Variants in NFAT5 observed in about 807,000 individuals in gnomAD.
NFAT5 encodes nuclear factor of activated T cells 5, also known as nuclear factor of activated T-cells 5.
In NFAT5, 31 loss-of-function variants were observed where a neutral mutation model predicts 166.5. The ratio of observed to expected loss-of-function variants is 0.19; its 90% CI spans 0.14 to 0.25. The LOEUF (loss-of-function observed/expected upper bound fraction) is 0.25, where lower values mean the gene tolerates loss of function less well. Among genes scored for constraint, NFAT5 ranks in the 10% least tolerant of loss-of-function variants. The pLI, the probability that NFAT5 is intolerant of heterozygous loss-of-function variation, is 1.00. For synonymous variants in NFAT5, 612 were observed against 639.7 expected (o/e 0.96, Z 0.65); for missense variants, 1,449 against 1,821.8 (o/e 0.80, Z 3.72).
intron 2 of NFAT5, among the ~76,000 whole-genome samples, chr16:69,578,356 G>T (rs2031436581): frequency 6.6e-6 from 1 of 152,104 alleles, no homozygotes; most frequent in Non-Finnish European, 1.5e-5. Flanking sequence ...GCTTAACTAT[G>T]TATCATAAAT....
rs1409312187 is a variant in NFAT5 at position 69,693,083 on chromosome 16, G to A, written c.3258G>A (p.Gln1086=). The A allele has an allele frequency of 1.2e-6, 2 of 1,614,060 alleles. No homozygotes were observed. Among genetic ancestry groups the A allele is most frequent in the African/African-American group, 1.3e-5 (1 of 75,020 alleles). ...TTTTGCAGCAGTCTTCTCATTCACA[G>A]GCCCAACTTTTTCATCCTCAAAATC... ...GNFLQQSSHS[Q]AQLFHPQNPI... The change falls in exon 13 of 15, where the codon CAG becomes CAA. Residue 1086 remains glutamine, a synonymous_variant. Coordinates refer to ENST00000349945, the MANE Select transcript of NFAT5 (RefSeq NM_138713.4).
chr16:69,616,696 C>CTA (rs1425869872), intron 2 of NFAT5, among the ~76,000 whole-genome samples: 1 of 152,104 alleles, frequency 6.6e-6, no homozygotes, highest in Admixed American at 6.6e-5. Context: ...TGCTTAGGCT[C>CTA]TGACACCACA....
At position 69,695,384 on chromosome 16, in the gene NFAT5, G is replaced by A; in HGVS notation, c.*8+5G>A. On this transcript the variant is annotated splice_donor_5th_base_variant and intron_variant, in intron 14 of 14. Coordinates refer to ENST00000349945, the MANE Select transcript of NFAT5 (RefSeq NM_138713.4). ...TGGCTCCTTTTAACTGGATATGTAA[G>A]TATTGCATTTTGGCTTCTTATTGAA... The A allele has an allele frequency of 6.3e-7, 1 of 1,589,670 alleles. No individual in the cohort carries two copies. Among genetic ancestry groups the A allele is most frequent in the Non-Finnish European group, 8.6e-7 (1 of 1,158,572 alleles).
At chr16:69,639,277 A>G (rs1167277816) in intron 3 of NFAT5, among the ~76,000 whole-genome samples, 1 of 152,154 alleles carries the variant, frequency 6.6e-6, no homozygotes, top group Admixed American at 6.6e-5. Flanking sequence ...ATAGAAAAAA[A>G]TTTTGTTTGG....
intron 3 of NFAT5, among the ~76,000 whole-genome samples, chr16:69,626,987 A>C (rs534869368): frequency 3.9e-5 from 6 of 152,040 alleles, no homozygotes; most frequent in Admixed American, 3.3e-4. Flanking sequence ...TATTATATTT[A>C]AAAATATATG....
At chr16:69,581,777 T>C (rs1567516228) in intron 2 of NFAT5, among the ~76,000 whole-genome samples, 1 of 152,178 alleles carries the variant, frequency 6.6e-6, no homozygotes, top group Non-Finnish European at 1.5e-5. Flanking sequence ...TTGTGAACTT[T>C]TTATGATGAA....
In NFAT5 at chr16:69,641,016, A is replaced by G. The variant is rs142736220; in HGVS notation, c.254-6012A>G. Among the ~76,000 whole-genome samples the G allele has an allele frequency of 8.7e-3, 1,317 of 151,490 alleles. 19 individuals are homozygous for G. Among genetic ancestry groups the G allele is most frequent in the African/African-American group, 0.03 (1,261 of 41,350 alleles). ...AAAAAAAGGCCGGGCACGGTGGCTC[A>G]CACCTGTAATCCCAGCACTTTGAGA... On this transcript the variant is annotated intron_variant, in intron 3 of 14. Transcript: ENST00000349945.
At chr16:69,567,935 G>A (rs1356998151) in intron 1 of NFAT5, among the ~76,000 whole-genome samples, 3 of 152,160 alleles carry the variant, frequency 2.0e-5, no homozygotes, top group Non-Finnish European at 4.4e-5. Flanking sequence ...GAAAATCTAA[G>A]TTTAGCTTCG....
chr16:69,617,029 C>T (rs1401787603), intron 2 of NFAT5, among the ~76,000 whole-genome samples: 1 of 151,452 alleles, frequency 6.6e-6, no homozygotes, highest in African/African-American at 2.4e-5. Context: ...CTGCAAGCTC[C>T]GCCTCCCGGG....
intron 2 of NFAT5, among the ~76,000 whole-genome samples, chr16:69,604,371 G>A (rs750826350): frequency 1.2e-4 from 18 of 152,116 alleles, no homozygotes; most frequent in Non-Finnish European, 2.4e-4. Context: ...GAATTAGGTG[G>A]CATATTCCAC....
At position 69,584,697 on chromosome 16, in the gene NFAT5, A is replaced by T. The variant is rs558220419; in HGVS notation, c.127+16149A>T. On this transcript the variant is annotated intron_variant, in intron 2 of 14. Coordinates refer to ENST00000349945, the MANE Select transcript of NFAT5 (RefSeq NM_138713.4). ...CCAATTACTCAGGAGCCTCAGGCGGAGGATCCCCTGAGGCCAGGATGTCGA... is the reference window on the plus strand; with the variant it reads ...CCAATTACTCAGGAGCCTCAGGCGGTGGATCCCCTGAGGCCAGGATGTCGA... Among the ~76,000 whole-genome samples, 5 of 152,074 alleles carry T rather than the reference A, an allele frequency of 3.3e-5. No homozygotes were observed. In the East Asian group the frequency reaches 9.7e-4, roughly 30 times the overall value.
intron 3 of NFAT5, among the ~76,000 whole-genome samples, chr16:69,632,813 T>C (rs937552738): frequency 7.2e-5 from 11 of 152,186 alleles, no homozygotes; most frequent in African/African-American, 2.7e-4. Context: ...AGCTAAAATG[T>C]TGTGAGTTGA....
chr16:69,591,583 A>G (rs550317090), intron 2 of NFAT5, among the ~76,000 whole-genome samples: 1 of 152,342 alleles, frequency 6.6e-6, no homozygotes, highest in South Asian at 2.1e-4. Flanking sequence ...ATAATTTTCT[A>G]CATTATGCTA....
intron 2 of NFAT5, among the ~76,000 whole-genome samples, chr16:69,587,224 G>T (rs578009427): frequency 2.1e-5 from 3 of 142,378 alleles, no homozygotes; most frequent in East Asian, 4.4e-4. Context: ...TGGAATTACC[G>T]CCTGGCTAAT....
At chr16:69,575,315 A>T (rs916418144) in intron 2 of NFAT5, among the ~76,000 whole-genome samples, 2 of 151,872 alleles carry the variant, frequency 1.3e-5, no homozygotes, top group Non-Finnish European at 2.9e-5. Flanking sequence ...CTACAGGTGC[A>T]CACCACCATG....
At chr16:69,637,534 A>C (rs2035019456) in intron 3 of NFAT5, among the ~76,000 whole-genome samples, 1 of 152,208 alleles carries the variant, frequency 6.6e-6, no homozygotes, top group Non-Finnish European at 1.5e-5. Context: ...GGTGGGAGGC[A>C]AAAGGCACTT....
chr16:69,634,804 T>C lies in NFAT5; in HGVS notation c.253+8276T>C, dbSNP rs1421137986. Among the ~76,000 whole-genome samples the C allele has an allele frequency of 2.6e-5, 4 of 152,294 alleles. No homozygotes were observed. In the South Asian group the frequency reaches 6.2e-4, roughly 24 times the overall value. ...TCATAAAGACTGAATTTGAATCTAA[T>C]TGCTATCATATCATATCTCCTATAT... On this transcript the variant is annotated intron_variant, in intron 3 of 14. Transcript: ENST00000349945.
Position 69,647,246 on chromosome 16 carries a change from A to G in NFAT5, c.472A>G (p.Thr158Ala). 6.2e-7 allele frequency: 1 copy of G among 1,614,206 alleles called. No homozygotes were observed. Among genetic ancestry groups the G allele is most frequent in the Non-Finnish European group, 8.5e-7 (1 of 1,180,020 alleles). Residue 158 changes from threonine to alanine, a missense_variant, in exon 4 of 15, where the codon ACA becomes GCA. By Grantham distance (58) the Thr-to-Ala change is moderately conservative. Coordinates refer to ENST00000349945, the MANE Select transcript of NFAT5 (RefSeq NM_138713.4). The surrounding 1 kb of genome is among the most constrained non-coding windows in gnomAD (Gnocchi z 4.8). Reference sequence around the variant, plus strand: ...GCATCCATCAACACCGAAGAGGCACACAGTCTTGTACATCTCACCACCACC... The same window carrying G: ...GCATCCATCAACACCGAAGAGGCACGCAGTCTTGTACATCTCACCACCACC... ...QQHPSTPKRH[T>A]VLYISPPPED... is the part of the protein sequence containing the mutation.
intron 2 of NFAT5, among the ~76,000 whole-genome samples, chr16:69,626,167 C>T (rs1232543083): frequency 1.3e-5 from 2 of 150,884 alleles, no homozygotes; most frequent in African/African-American, 4.9e-5. Context: ...TGCCCAAACT[C>T]GTCTTTAATT....
Sources: gnomAD v4.1 joint callset for allele counts (sites outside exome capture counted in the v4.1 genomes callset) on GRCh38, gnomAD v4.1.1 for gene constraint, Gnocchi (gnomAD v3.1) non-coding constraint, MANE v1.5 for transcripts, NCBI Gene and HGNC (gene_info 2026-07-23, HGNC 2026-07-21) for gene names.